OXR1: variants seen among roughly 807,000 people sequenced by gnomAD.
OXR1 encodes the protein oxidation resistance protein 1.
Under a neutral mutation model 104.6 loss-of-function variants are expected in OXR1, and 41 were observed. The observed-to-expected ratio is 0.39, with a 90% confidence interval of 0.31 to 0.51. OXR1 has a LOEUF of 0.51. OXR1 is among the 20% of genes least tolerant of loss of function. OXR1 has a pLI of 0.77. For missense variants in OXR1, 955 were observed against 1,031.9 expected, an observed-to-expected ratio of 0.93 and a Z score of 1.02; for synonymous variants, 348 against 348.4, an observed-to-expected ratio of 1.00 and a Z score of 0.01.
At chr8:106,576,433 G>A (rs3134128) in intron 3 of OXR1, among the ~76,000 whole-genome samples, 135,342 of 146,168 alleles carry the variant, frequency 0.93, 62,658 homozygotes, top group East Asian at 1. Flanking sequence ...GAATTATACA[G>A]TTATTTGTGC....
chr8:106,564,779 C>T (rs971859789), intron 3 of OXR1, among the ~76,000 whole-genome samples: 1 of 152,136 alleles, frequency 6.6e-6, no homozygotes, highest in African/African-American at 2.4e-5. Context: ...AAAGTTTATC[C>T]ACCACGATCA....
At chr8:106,601,810 T>C (rs192742365) in intron 3 of OXR1, among the ~76,000 whole-genome samples, 4 of 152,328 alleles carry the variant, frequency 2.6e-5, no homozygotes, top group South Asian at 2.1e-4. Context: ...AGAAATGTAA[T>C]TAAAGTGTTT....
intron 2 of OXR1, among the ~76,000 whole-genome samples, chr8:106,445,074 C>T (rs1042506387): frequency 6.6e-6 from 1 of 152,108 alleles, no homozygotes; most frequent in South Asian, 2.1e-4. Context: ...CCAACAGAGC[C>T]ATTTATTTAC....
intron 1 of OXR1, among the ~76,000 whole-genome samples, chr8:106,342,044 T>TA (rs35232318): frequency 0.57 from 83,333 of 145,462 alleles, 25,542 homozygotes; most frequent in African/African-American, 0.81. Flanking sequence ...CCCAGCTGAT[T>TA]AAAAAAAAAA....
intron 2 of OXR1, among the ~76,000 whole-genome samples, chr8:106,436,882 C>T (rs1396187732): frequency 1.3e-5 from 2 of 152,134 alleles, no homozygotes; most frequent in Non-Finnish European, 2.9e-5. Context: ...GAAATACATG[C>T]TCCCCCTGGG....
intron 3 of OXR1, among the ~76,000 whole-genome samples, chr8:106,560,677 C>CATCTCA (rs1389926538): frequency 6.6e-6 from 1 of 152,154 alleles, no homozygotes; most frequent in Non-Finnish European, 1.5e-5. Context: ...CTACTTCAGC[C>CATCTCA]ATCTCATTTT....
At chr8:106,386,430 G>A (rs548319459) in intron 2 of OXR1, among the ~76,000 whole-genome samples, 1 of 152,292 alleles carries the variant, frequency 6.6e-6, no homozygotes, top group Admixed American at 6.5e-5. Flanking sequence ...CCTCCCTCCT[G>A]AGTTAGCCAT....
chr8:106,529,148 T>G (rs547481819), intron 3 of OXR1, among the ~76,000 whole-genome samples: 147 of 152,290 alleles, frequency 9.7e-4, no homozygotes, highest in African/African-American at 3.5e-3. Context: ...ATATGGAATT[T>G]TTTTTTATCA....
At chr8:106,323,606 A>G (rs780061475) in intron 1 of OXR1, among the ~76,000 whole-genome samples, 1 of 152,214 alleles carries the variant, frequency 6.6e-6, no homozygotes, top group African/African-American at 2.4e-5. Flanking sequence ...TTTGCAAACT[A>G]TGCATCTGAC....
chr8:106,694,867 A>G (rs1296346034), intron 7 of OXR1, among the ~76,000 whole-genome samples: 3 of 97,494 alleles, frequency 3.1e-5, no homozygotes, highest in Non-Finnish European at 6.0e-5. Flanking sequence ...AAATACATTT[A>G]TATATAATAT....
At chr8:106,706,208 G>A (rs1400158966) in intron 8 of OXR1, among the ~76,000 whole-genome samples, 174 bp from the exon 9 acceptor site, 1 of 151,974 alleles carries the variant, frequency 6.6e-6, no homozygotes, top group African/African-American at 2.4e-5. Flanking sequence ...TGGTCTATAA[G>A]GTTAATTATT....
At chr8:106,695,295 G>A (rs1829896230) in intron 7 of OXR1, among the ~76,000 whole-genome samples, 1 of 151,534 alleles carries the variant, frequency 6.6e-6, no homozygotes, top group African/African-American at 2.4e-5. Context: ...TTTATATAAG[G>A]ACTTCTAAAT....
chr8:106,738,524 G>A (rs1257939827), intron 12 of OXR1, among the ~76,000 whole-genome samples: 1 of 151,868 alleles, frequency 6.6e-6, no homozygotes, highest in Admixed American at 6.6e-5. Flanking sequence ...CAGTTGCTGA[G>A]CGTTGCTGCA....
At chr8:106,734,695 T>TG (rs1439220762) in intron 11 of OXR1, among the ~76,000 whole-genome samples, 1 of 152,214 alleles carries the variant, frequency 6.6e-6, no homozygotes, top group Non-Finnish European at 1.5e-5. Context: ...GTAATAGTGA[T>TG]GGGTGGATTT....
intron 3 of OXR1, among the ~76,000 whole-genome samples, chr8:106,675,149 A>G (rs1387922889): frequency 1.3e-5 from 2 of 152,232 alleles, no homozygotes; most frequent in South Asian, 4.1e-4. Context: ...GCCTAATAAC[A>G]TGGTCCCAAT....
intron 3 of OXR1, among the ~76,000 whole-genome samples, chr8:106,556,024 T>G (rs2130454042): frequency 6.7e-6 from 1 of 150,274 alleles, no homozygotes; most frequent in Middle Eastern, 3.5e-3. Context: ...TTGAAAAAAC[T>G]TAGTTAAATG....
At chr8:106,298,547 C>G (rs1376664892) in intron 1 of OXR1, among the ~76,000 whole-genome samples, 2 of 152,092 alleles carry the variant, frequency 1.3e-5, no homozygotes, top group Non-Finnish European at 2.9e-5. Context: ...ATAATAAAGT[C>G]TCTGTCTCTA....
At chr8:106,629,592 A>G (rs1822491607) in intron 3 of OXR1, among the ~76,000 whole-genome samples, 1 of 152,236 alleles carries the variant, frequency 6.6e-6, no homozygotes, top group Admixed American at 6.5e-5. Flanking sequence ...TTAAAAACTC[A>G]TTAATGCATG....
intron 12 of OXR1, among the ~76,000 whole-genome samples, chr8:106,739,075 T>TACACAC (rs71307086): frequency 0.04 from 5,732 of 141,570 alleles, 141 homozygotes; most frequent in African/African-American, 0.059. Flanking sequence ...TTAAATAGCA[T>TACACAC]ACACACACAC....
Sources: gnomAD v4.1 joint callset for allele counts (sites outside exome capture counted in the v4.1 genomes callset) on GRCh38, gnomAD v4.1.1 for gene constraint, MANE v1.5 for transcripts, NCBI Gene and HGNC (gene_info 2026-07-23, HGNC 2026-07-21) for gene names.